Variants in RNGTT observed in about 807,000 individuals in gnomAD.
RNGTT encodes mRNA-capping enzyme.
RNGTT carries 33 observed loss-of-function variants against 79.3 expected under a neutral mutation model. The ratio of observed to expected loss-of-function variants is 0.42; its 90% CI spans 0.32 to 0.56. RNGTT has a LOEUF of 0.56. Among genes scored for constraint, RNGTT ranks in the 20% least tolerant of loss-of-function variants. The pLI, the probability that RNGTT is intolerant of heterozygous loss-of-function variation, is 0.17. For synonymous variants in RNGTT, 222 were observed against 235.9 expected (o/e 0.94, Z 0.54); for missense variants, 497 against 739.1 (o/e 0.67, Z 3.80).
chr6:88,817,023 A>G (rs908717054), intron 11 of RNGTT, among the ~76,000 whole-genome samples: 2 of 152,200 alleles, frequency 1.3e-5, no homozygotes, highest in Admixed American at 1.3e-4. Context: ...AATACAGTTT[A>G]GACCTGAAGC....
At chr6:88,667,952 C>T (rs916242873) in intron 14 of RNGTT, among the ~76,000 whole-genome samples, 4 of 152,108 alleles carry the variant, frequency 2.6e-5, no homozygotes, top group Non-Finnish European at 4.4e-5. Context: ...AGGATATTCC[C>T]CTTATGAGAT....
At chr6:88,944,793 A>G (rs1456274637) in intron 1 of RNGTT, among the ~76,000 whole-genome samples, 2 of 152,164 alleles carry the variant, frequency 1.3e-5, no homozygotes, top group Admixed American at 6.5e-5. Context: ...ACTGTGCATA[A>G]TTTAGTTTTT....
chr6:88,872,486 T>C (rs1392239130), intron 8 of RNGTT, among the ~76,000 whole-genome samples: 1 of 152,160 alleles, frequency 6.6e-6, no homozygotes, highest in Non-Finnish European at 1.5e-5. Context: ...GTGACTATAG[T>C]CAACAATAAC....
At chr6:88,741,979 A>G (rs1777507013) in intron 13 of RNGTT, among the ~76,000 whole-genome samples, 1 of 152,198 alleles carries the variant, frequency 6.6e-6, no homozygotes, top group Non-Finnish European at 1.5e-5. Flanking sequence ...AATAACCTAA[A>G]TCTAAAACAT....
chr6:88,748,786 A>G (rs74491801), intron 13 of RNGTT, among the ~76,000 whole-genome samples: 3,955 of 152,216 alleles, frequency 0.026, 85 homozygotes, highest in Non-Finnish European at 0.041. Context: ...GGGAAAAGTA[A>G]TATTTGAAGA....
intron 9 of RNGTT, among the ~76,000 whole-genome samples, chr6:88,850,177 T>G (rs563751144): frequency 1.3e-5 from 2 of 152,110 alleles, no homozygotes; most frequent in African/African-American, 4.8e-5. Flanking sequence ...TTTAAAAATA[T>G]TTTTGTTTAA....
chr6:88,837,426 T>C (rs1234390619), intron 11 of RNGTT, among the ~76,000 whole-genome samples: 4 of 152,050 alleles, frequency 2.6e-5, no homozygotes, highest in Non-Finnish European at 5.9e-5. Context: ...AAAAAAGCTC[T>C]AGAACATATT....
chr6:88,877,532 G>A (rs141262819), intron 8 of RNGTT, among the ~76,000 whole-genome samples: 28 of 152,142 alleles, frequency 1.8e-4, no homozygotes, highest in African/African-American at 4.6e-4. Context: ...TGATGGTAGC[G>A]CAACTGGAAA....
At chr6:88,796,029 T>C (rs2127859040) in intron 12 of RNGTT, among the ~76,000 whole-genome samples, 1 of 152,302 alleles carries the variant, frequency 6.6e-6, no homozygotes, top group South Asian at 2.1e-4. Context: ...CTGCACTATC[T>C]ACTTACACAC....
At chr6:88,923,767 C>G (rs191698161) in intron 4 of RNGTT, among the ~76,000 whole-genome samples, 22 of 152,220 alleles carry the variant, frequency 1.4e-4, no homozygotes, top group African/African-American at 5.1e-4. Flanking sequence ...ACAAACATAT[C>G]GTAGCTAAAT....
At chr6:88,614,175 G>A in intron 15 of RNGTT, 97 bp downstream of exon 15, 1 of 1,115,336 alleles carries the variant, frequency 9.0e-7, no homozygotes, top group Non-Finnish European at 1.3e-6. Context: ...AAATGACTAT[G>A]CCCCATTAAG....
chr6:88,696,178 TGTGAA>T (rs1775657815), intron 13 of RNGTT, among the ~76,000 whole-genome samples: 4 of 152,224 alleles, frequency 2.6e-5, no homozygotes, highest in South Asian at 4.1e-4. Flanking sequence ...AGTGTAATTA[TGTGAA>T]GTGAAGAATG....
chr6:88,696,244 T>C (rs1775662084), intron 13 of RNGTT, among the ~76,000 whole-genome samples: 1 of 152,188 alleles, frequency 6.6e-6, no homozygotes, highest in Non-Finnish European at 1.5e-5. Flanking sequence ...AACATCACTT[T>C]GTACCTCATA....
intron 14 of RNGTT, among the ~76,000 whole-genome samples, chr6:88,617,095 C>T (rs542877773): frequency 6.6e-6 from 1 of 152,324 alleles, no homozygotes; most frequent in African/African-American, 2.4e-5. Flanking sequence ...CAGTGAAACC[C>T]TGTCTCTACT....
At chr6:88,829,970 T>C (rs1582513404) in intron 11 of RNGTT, among the ~76,000 whole-genome samples, 1 of 152,094 alleles carries the variant, frequency 6.6e-6, no homozygotes, top group Non-Finnish European at 1.5e-5. Context: ...CTGTCAATAT[T>C]AGACAGATCA....
chr6:88,637,287 G>C (rs1022684246), intron 14 of RNGTT, among the ~76,000 whole-genome samples: 2 of 151,920 alleles, frequency 1.3e-5, no homozygotes, highest in Admixed American at 6.6e-5. Flanking sequence ...AATGCCATTC[G>C]GTTCACTCTT....
At chr6:88,723,309 G>A (rs575440394) in intron 13 of RNGTT, among the ~76,000 whole-genome samples, 1 of 152,234 alleles carries the variant, frequency 6.6e-6, no homozygotes, top group East Asian at 1.9e-4. Context: ...GGAGCCCCAG[G>A]TAGGAAAGAA....
intron 8 of RNGTT, among the ~76,000 whole-genome samples, chr6:88,878,097 T>TTTAC (rs1481190755): frequency 4.5e-4 from 69 of 151,902 alleles, no homozygotes; most frequent in African/African-American, 1.6e-3. Flanking sequence ...TATTTATTTA[T>TTTAC]TTATTTATTT....
At chr6:88,925,884 TA>T (rs1175759685) in intron 4 of RNGTT, among the ~76,000 whole-genome samples, 3 of 151,352 alleles carry the variant, frequency 2.0e-5, no homozygotes, top group South Asian at 4.2e-4. Flanking sequence ...CCCTGTCTCT[TA>T]AAAAAAAATC....
Sources: allele counts gnomAD v4.1 joint callset (sites outside exome capture counted in the v4.1 genomes callset), GRCh38; gene constraint gnomAD v4.1.1; transcripts MANE v1.5; gene names NCBI Gene and HGNC (gene_info 2026-07-23, HGNC 2026-07-21).